Variants in ADNP2 observed in about 807,000 individuals in gnomAD.
The protein encoded by ADNP2 is ADNP homeobox 2, also known as activity-dependent neuroprotector homeobox protein 2.
In ADNP2, 8 loss-of-function variants were observed where a neutral mutation model predicts 16.4. The ratio of observed to expected loss-of-function variants is 0.49; its 90% CI spans 0.29 to 0.88. ADNP2 has a LOEUF of 0.88. Among genes scored for constraint, ADNP2 ranks in the 40% least tolerant of loss-of-function variants. ADNP2 has a pLI of 0.09. For synonymous variants in ADNP2, 637 were observed against 545.8 expected (o/e 1.17, Z -2.33); for missense variants, 1,397 against 1,395.1 (o/e 1.00, Z -0.02).
In ADNP2 at chr18:80,136,521, C is replaced by T. The variant is rs758947129; in HGVS notation, c.1108C>T (p.Pro370Ser). ...GVPLHQSVNPPVLPLSQPVGP... is the reference protein window; with the variant it reads ...GVPLHQSVNPSVLPLSQPVGP... ...TCCACTTCATCAGTCTGTGAATCCT[C>T]CTGTGTTGCCCTTGAGTCAGCCAGT... The change falls in exon 4 of 4, where the codon CCT becomes TCT. Residue 370 changes from proline to serine, a missense_variant. Pro to Ser is a moderately conservative substitution (Grantham distance 74). Around this residue, in one of 3 missense-constraint regions of ADNP2, gnomAD observed 777 missense variants for 719.4 expected, o/e 1.08. Transcript: ENST00000262198. The T allele has an allele frequency of 3.3e-5, 53 of 1,614,116 alleles. No homozygotes were observed. Among genetic ancestry groups the T allele is most frequent in the Non-Finnish European group, 4.1e-5 (48 of 1,180,056 alleles).
intron 2 of ADNP2, among the ~76,000 whole-genome samples, chr18:80,117,952 A>G (rs2052399814): frequency 6.6e-6 from 1 of 152,208 alleles, no homozygotes; most frequent in South Asian, 2.1e-4. Context: ...ATTTCCCAGT[A>G]TTGTTAGAGC....
intron 2 of ADNP2, among the ~76,000 whole-genome samples, chr18:80,125,195 C>A (rs1469822671): frequency 1.3e-5 from 2 of 152,074 alleles, no homozygotes; most frequent in Non-Finnish European, 2.9e-5. Flanking sequence ...AAACTATAGC[C>A]CATGGGTCAA....
intron 1 of ADNP2, among the ~76,000 whole-genome samples, chr18:80,116,558 T>G (rs1299110299): frequency 6.6e-6 from 1 of 152,210 alleles, no homozygotes; most frequent in Non-Finnish European, 1.5e-5. Context: ...TTTTTTTTCT[T>G]TATAGATATC....
At chr18:80,133,340 A>G in intron 3 of ADNP2, 148 bp downstream of exon 3, 1 of 693,920 alleles carries the variant, frequency 1.4e-6, no homozygotes, top group Non-Finnish European at 2.6e-6. Context: ...GTAGCAAGAA[A>G]CCAAGTATAG....
At position 80,135,765 on chromosome 18, in the gene ADNP2, A is replaced by G. The variant is rs1406369674; in HGVS notation, c.352A>G (p.Lys118Glu). The G allele has an allele frequency of 6.2e-7, 1 of 1,614,214 alleles. No individual in the cohort carries two copies. Among genetic ancestry groups the G allele is most frequent in the Admixed American group, 1.7e-5 (1 of 60,034 alleles). Residue 118 changes from lysine (K) to glutamate (E), a missense_variant, in exon 4 of 4, where the codon AAA becomes GAA. This residue lies in a region of ADNP2 where 777 missense variants were observed against 719.4 expected (regional missense o/e 1.08). Transcript: ENST00000262198. The stretch of plus-strand genomic sequence containing the variant: ...AAACTGTGTATTTGCATCTCAGCCC[A>G]AAGTTGTGGGAAGGCACTTCAGAAT... ...CPNCVFASQPKVVGRHFRMFH... is the reference protein window; with the variant it reads ...CPNCVFASQPEVVGRHFRMFH...
At chr18:80,116,825 A>G (rs1203687771) in intron 1 of ADNP2, among the ~76,000 whole-genome samples, 17 of 152,068 alleles carry the variant, frequency 1.1e-4, no homozygotes, top group Admixed American at 1.0e-3. Context: ...TTGTAGAGGC[A>G]GGGTTTCACC....
chr18:80,138,495 G>A lies in ADNP2; in HGVS notation c.3082G>A (p.Gly1028Arg), dbSNP rs1599826923. The change falls in exon 4 of 4, where the codon GGA becomes AGA. Residue 1028 changes from glycine (G) to arginine (R), a missense_variant. By Grantham distance (125) the Gly-to-Arg change is moderately radical (BLOSUM62 -2). Coordinates refer to ENST00000262198, the MANE Select transcript of ADNP2 (RefSeq NM_014913.4). The stretch of plus-strand genomic sequence containing the variant: ...ACAAAGGAATGAAAGCAGAACAGAG[G>A]GACCTATTGTCAAGGACGAGGCTCT... Reference protein sequence around the residue: ...KRQRNESRTEGPIVKDEALQI... With the variant: ...KRQRNESRTERPIVKDEALQI... 1 of 1,614,080 alleles carries A rather than the reference G, an allele frequency of 6.2e-7. No individual in the cohort carries two copies. The highest frequency in any genetic ancestry group is 8.5e-7 in the Non-Finnish European group (1 of 1,180,022).
At chr18:80,129,927 A>T (rs1435958225) in intron 2 of ADNP2, among the ~76,000 whole-genome samples, 2 of 152,216 alleles carry the variant, frequency 1.3e-5, no homozygotes. Context: ...TTTACTCAGC[A>T]GTTGGGACTG....
At position 80,138,443 on chromosome 18, in the gene ADNP2, G is replaced by A. The variant is rs745845563; in HGVS notation, c.3030G>A (p.Lys1010=). 6.2e-7 allele frequency: 1 copy of A among 1,614,086 alleles called. No individual in the cohort carries two copies. Among genetic ancestry groups the A allele is most frequent in the Non-Finnish European group, 8.5e-7 (1 of 1,180,028 alleles). ...CCGATGCAGCCCCGGGTCCAGAAAA[G>A]GTGACGAGTGTTGTGCCTTTTAAAA... ...LNADAAPGPE[K]VTSVVPFKRQ... The change falls in exon 4 of 4, where the codon AAG becomes AAA. Residue 1010 remains lysine, a synonymous_variant. Transcript: ENST00000262198.
chr18:80,111,183 C>T (rs1305336453), intron 1 of ADNP2, among the ~76,000 whole-genome samples: 3 of 152,122 alleles, frequency 2.0e-5, no homozygotes, highest in Admixed American at 2.0e-4. Flanking sequence ...AATATATGAT[C>T]CAAGTATTCT....
intron 2 of ADNP2, among the ~76,000 whole-genome samples, chr18:80,132,300 T>C (rs533259388): frequency 2.6e-5 from 4 of 152,210 alleles, no homozygotes; most frequent in Non-Finnish European, 5.9e-5. Flanking sequence ...GTTGAAAATA[T>C]TTGGGAGAGA....
rs773588104 is a variant in ADNP2 at position 80,128,785 on chromosome 18, C to CT, written c.109-4309dup. Among the ~76,000 whole-genome samples, 170 of 151,266 alleles carry CT rather than the reference C, an allele frequency of 1.1e-3. 1 individual carries two copies. Among genetic ancestry groups the CT allele is most frequent in the Middle Eastern group, 3.4e-3 (1 of 294 alleles). On this transcript the variant is annotated intron_variant, in intron 2 of 3. Transcript: ENST00000262198. ...AATTGTATTAACTATTTTTCTGTAG[C>CT]TTTTTTTTTAAAGTAATCATTGTTA... is the stretch of plus-strand genomic sequence containing the variant.
At chr18:80,132,772 C>T (rs1284950400) in intron 2 of ADNP2, among the ~76,000 whole-genome samples, 1 of 151,164 alleles carries the variant, frequency 6.6e-6, no homozygotes, top group Non-Finnish European at 1.5e-5. Flanking sequence ...CCTGCTCTGT[C>T]TCCCAGGCTT....
At chr18:80,130,552 A>G (rs12457522) in intron 2 of ADNP2, among the ~76,000 whole-genome samples, 24,920 of 152,238 alleles carry the variant, frequency 0.16, 2,847 homozygotes, top group East Asian at 0.47. Flanking sequence ...CTTGGGCCAC[A>G]TGGACTTTAC....
intron 1 of ADNP2, among the ~76,000 whole-genome samples, chr18:80,116,468 A>G (rs117627844): frequency 2.6e-4 from 39 of 152,088 alleles, no homozygotes; most frequent in Non-Finnish European, 2.8e-4. Flanking sequence ...ACACATGAAG[A>G]CTGGCTGCAC....
chr18:80,133,057 A>G (rs868532834), intron 2 of ADNP2, 46 bp from the exon 3 acceptor site: 36 of 1,312,234 alleles, frequency 2.7e-5, no homozygotes, highest in Non-Finnish European at 3.4e-5. Flanking sequence ...ATATTTCTTT[A>G]TCTTCTGAAT....
At chr18:80,125,654 A>G (rs1007442004) in intron 2 of ADNP2, among the ~76,000 whole-genome samples, 3 of 150,770 alleles carry the variant, frequency 2.0e-5, no homozygotes, top group Non-Finnish European at 3.0e-5. Context: ...AAAAAAAAAT[A>G]AAAAAAAATA....
At chr18:80,129,398 C>T (rs1329617682) in intron 2 of ADNP2, among the ~76,000 whole-genome samples, 1 of 152,012 alleles carries the variant, frequency 6.6e-6, no homozygotes, top group African/African-American at 2.4e-5. Context: ...CCACCACACC[C>T]GACCCCCAGA....
chr18:80,138,848 G>A lies in ADNP2; in HGVS notation c.*39G>A. ...AAAAAAAAGTAACTCTAAAGTAGTA[G>A]GTAGATTTTTTTCAGTTGAAATTTC... is the stretch of plus-strand genomic sequence containing the variant. On this transcript the variant is annotated 3_prime_UTR_variant, in exon 4 of 4. Transcript: ENST00000262198. 1 of 1,433,454 alleles carries A rather than the reference G, an allele frequency of 7.0e-7. No individual in the cohort carries two copies. The highest frequency in any genetic ancestry group is 9.2e-7 in the Non-Finnish European group (1 of 1,090,394). 88.8% of individuals were successfully genotyped at this position (1,433,454 alleles called of 1,614,324 possible). A position where few individuals can be genotyped will look rare whatever the true frequency, so the allele number is the denominator to read the frequency against.
Sources: gnomAD v4.1 joint callset for allele counts (sites outside exome capture counted in the v4.1 genomes callset) on GRCh38, gnomAD v4.1.1 for gene constraint, gnomAD v4.1.1 regional missense constraint, MANE v1.5 for transcripts, NCBI Gene and HGNC (gene_info 2026-07-23, HGNC 2026-07-21) for gene names.